Variants in TTC7B observed in about 807,000 individuals in gnomAD.
TTC7B encodes tetratricopeptide repeat domain 7B.
In TTC7B, 28 loss-of-function variants were observed where a neutral mutation model predicts 106.8. The ratio of observed to expected loss-of-function variants is 0.26; its 90% CI spans 0.19 to 0.36. TTC7B has a LOEUF of 0.36. TTC7B is among the 10% of genes least tolerant of loss of function. TTC7B has a pLI of 1.00. For missense variants in TTC7B, 862 were observed against 1,076.4 expected (o/e 0.80, Z 2.79); for synonymous variants, 405 against 430.6 (o/e 0.94, Z 0.74).
At chr14:90,682,051 A>T (rs866691647) in intron 7 of TTC7B, among the ~76,000 whole-genome samples, 1 of 152,138 alleles carries the variant, frequency 6.6e-6, no homozygotes, top group South Asian at 2.1e-4. Flanking sequence ...ACCCATGCCC[A>T]GCAATCATTT....
At chr14:90,809,079 T>C (rs1241260376) in intron 1 of TTC7B, among the ~76,000 whole-genome samples, 1 of 152,212 alleles carries the variant, frequency 6.6e-6, no homozygotes, top group African/African-American at 2.4e-5. Flanking sequence ...AGCCTGGTGA[T>C]ATAATCGAGT....
intron 19 of TTC7B, among the ~76,000 whole-genome samples, chr14:90,543,860 C>T (rs1014497741): frequency 6.6e-6 from 1 of 152,246 alleles, no homozygotes; most frequent in South Asian, 2.1e-4. Flanking sequence ...CCCAGCTTCA[C>T]CAACAGGCAA....
chr14:90,555,895 GTGC>G, intron 19 of TTC7B, among the ~76,000 whole-genome samples: 1 of 152,360 alleles, frequency 6.6e-6, no homozygotes, highest in East Asian at 1.9e-4. Context: ...ATGCACCTGG[GTGC>G]TGCTGCTGGT....
At chr14:90,739,789 G>T (rs758612811) in intron 4 of TTC7B, among the ~76,000 whole-genome samples, 19 of 152,216 alleles carry the variant, frequency 1.2e-4, no homozygotes, top group Non-Finnish European at 2.5e-4. Flanking sequence ...CCAGCTGGTT[G>T]GCTGATGCAT....
chr14:90,589,712 C>T (rs560305922), intron 18 of TTC7B, among the ~76,000 whole-genome samples: 36 of 152,240 alleles, frequency 2.4e-4, no homozygotes, highest in Non-Finnish European at 4.0e-4. Context: ...CCCGACAGTG[C>T]GGTGAAAGCT....
intron 1 of TTC7B, among the ~76,000 whole-genome samples, chr14:90,794,958 C>T (rs746538670): frequency 5.9e-5 from 9 of 151,980 alleles, no homozygotes; most frequent in Non-Finnish European, 1.0e-4. Flanking sequence ...TCAGGGACCT[C>T]GTGGGCTCCC....
chr14:90,675,492 A>G (rs753310), intron 9 of TTC7B, among the ~76,000 whole-genome samples: 80,339 of 151,886 alleles, frequency 0.53, 21,861 homozygotes, highest in East Asian at 0.64. Flanking sequence ...GCTGAGCCGC[A>G]TGTGGTGGGG....
At chr14:90,613,643 T>C (rs1405601905) in intron 16 of TTC7B, among the ~76,000 whole-genome samples, 1 of 152,208 alleles carries the variant, frequency 6.6e-6, no homozygotes, top group African/African-American at 2.4e-5. Context: ...CTGGGACACA[T>C]CTGCTCAGGC....
At chr14:90,562,514 G>A (rs76563668) in intron 19 of TTC7B, among the ~76,000 whole-genome samples, 2,325 of 152,294 alleles carry the variant, frequency 0.015, 66 homozygotes, top group African/African-American at 0.053. Flanking sequence ...ACTGTATCTT[G>A]AAAAAGTTCC....
intron 15 of TTC7B, among the ~76,000 whole-genome samples, chr14:90,623,800 C>T (rs1884316921): frequency 6.6e-6 from 1 of 152,208 alleles, no homozygotes; most frequent in African/African-American, 2.4e-5. Flanking sequence ...GCAGGCAGAT[C>T]ACTTGAGGTC....
intron 15 of TTC7B, among the ~76,000 whole-genome samples, chr14:90,633,202 T>A (rs1286438): frequency 0.017 from 2,548 of 152,342 alleles, 63 homozygotes; most frequent in African/African-American, 0.058. Context: ...CTTATATTAG[T>A]AATCTTGAGA....
chr14:90,636,666 G>A (rs1268080769), intron 15 of TTC7B, among the ~76,000 whole-genome samples: 9 of 151,976 alleles, frequency 5.9e-5, no homozygotes, highest in South Asian at 2.1e-4. Flanking sequence ...AAATAAGTTC[G>A]ACCAATTTCA....
At chr14:90,619,995 T>C (rs573812945) in intron 15 of TTC7B, among the ~76,000 whole-genome samples, 4 of 152,174 alleles carry the variant, frequency 2.6e-5, no homozygotes, top group Admixed American at 1.3e-4. Flanking sequence ...CTTTTTCATG[T>C]GTGAGAGGTG....
At chr14:90,782,064 G>A (rs987824413) in intron 2 of TTC7B, among the ~76,000 whole-genome samples, 14 of 152,202 alleles carry the variant, frequency 9.2e-5, no homozygotes, top group African/African-American at 3.1e-4. Context: ...TTTGATGAGT[G>A]GACAACACGG....
chr14:90,555,916 C>A (rs962547062), intron 19 of TTC7B, among the ~76,000 whole-genome samples: 3 of 152,252 alleles, frequency 2.0e-5, no homozygotes, highest in Non-Finnish European at 4.4e-5. Flanking sequence ...GGTAGGGTCA[C>A]CGGGGACCCG....
At chr14:90,812,358 G>A (rs564205777) in intron 1 of TTC7B, among the ~76,000 whole-genome samples, 68 of 152,312 alleles carry the variant, frequency 4.5e-4, no homozygotes, top group African/African-American at 1.5e-3. Flanking sequence ...GACCAGGACC[G>A]ACCTGTGAGC....
chr14:90,621,240 C>T lies in TTC7B; in HGVS notation c.1752-3195G>A, dbSNP rs996419913. Among the ~76,000 whole-genome samples, 17 of 150,468 alleles carry T rather than the reference C, an allele frequency of 1.1e-4. No individual in the cohort carries two copies. In the East Asian group the frequency reaches 3.4e-3, roughly 30 times the overall value. On this transcript the variant is annotated intron_variant, in intron 15 of 19. Coordinates refer to ENST00000328459, the MANE Select transcript of TTC7B (RefSeq NM_001010854.2). ...ATGGGCAGAAGCCACGCAGGTAGGC[C>T]ACGTGGGTATAGCCAGAATGTTGAG...
At chr14:90,654,921 G>C in intron 12 of TTC7B, 72 bp downstream of exon 12, 2 of 1,219,308 alleles carry the variant, frequency 1.6e-6, no homozygotes, top group Non-Finnish European at 2.4e-6. Context: ...GGGGACTGTG[G>C]GAATCCCGCA....
intron 3 of TTC7B, among the ~76,000 whole-genome samples, chr14:90,763,594 T>G (rs755890671): frequency 6.6e-6 from 1 of 152,166 alleles, no homozygotes; most frequent in African/African-American, 2.4e-5. Context: ...GCCATGATCT[T>G]ACATATTTTA....
Sources: gnomAD v4.1 joint callset for allele counts (sites outside exome capture counted in the v4.1 genomes callset) on GRCh38, gnomAD v4.1.1 for gene constraint, MANE v1.5 for transcripts, NCBI Gene and HGNC (gene_info 2026-07-23, HGNC 2026-07-21) for gene names.